DGKB: variants seen among roughly 807,000 people sequenced by gnomAD.
DGKB encodes 90 kDa diacylglycerol kinase.
Under a neutral mutation model 114.3 loss-of-function variants are expected in DGKB, and 67 were observed. The ratio of observed to expected loss-of-function variants is 0.59; its 90% CI spans 0.48 to 0.72. The LOEUF is 0.72. DGKB is among the 30% of genes least tolerant of loss of function. The pLI is 0.00. For synonymous variants in DGKB, 398 were observed against 323.1 expected, an observed-to-expected ratio of 1.23 and a Z score of -2.49; for missense variants, 907 against 975.2, an observed-to-expected ratio of 0.93 and a Z score of 0.93.
intron 1 of DGKB, among the ~76,000 whole-genome samples, chr7:14,869,750 A>G (rs1207098709): frequency 2.6e-5 from 4 of 152,112 alleles, no homozygotes; most frequent in African/African-American, 9.7e-5. Flanking sequence ...CAACAGTTAT[A>G]TACACAATAT....
chr7:14,862,962 C>T (rs1309554663), intron 1 of DGKB, among the ~76,000 whole-genome samples: 1 of 151,798 alleles, frequency 6.6e-6, no homozygotes, highest in African/African-American at 2.4e-5. Context: ...TTTTAAATGC[C>T]TTTCGACAGA....
chr7:14,645,428 A>T (rs1812754970), intron 13 of DGKB, among the ~76,000 whole-genome samples: 1 of 152,088 alleles, frequency 6.6e-6, no homozygotes, highest in African/African-American at 2.4e-5. Context: ...ACAACAGGAC[A>T]GAAAAACCCA....
At chr7:14,834,193 A>C (rs1237697341) in intron 2 of DGKB, among the ~76,000 whole-genome samples, 1 of 152,168 alleles carries the variant, frequency 6.6e-6, no homozygotes. Flanking sequence ...TTTTGTTATA[A>C]ATTGTTATAA....
chr7:14,176,531 A>G (rs71538866), intron 25 of DGKB: 43,055 of 1,046,654 alleles, frequency 0.041, 1,828 homozygotes, highest in East Asian at 0.31. Context: ...AGTTTCAGAT[A>G]AACTTTTATT....
chr7:14,148,747 C>G lies in DGKB; in HGVS notation c.*384G>C, dbSNP rs116627194. 1 of 277,840 alleles carries G rather than the reference C, an allele frequency of 3.6e-6. No homozygotes were observed. The highest frequency in any genetic ancestry group is 2.3e-5 in the African/African-American group (1 of 43,290). The allele number at this position is 277,840 out of a possible 1,614,324, so 17.2% of individuals were successfully genotyped here. ...ATTGTAGCGTTACTGATTAGTGCTT[C>G]GTAATAATTGGAATCACACTGAGAA... is the stretch of plus-strand genomic sequence containing the variant. On this transcript the variant is annotated 3_prime_UTR_variant, in exon 26 of 26. Transcript: ENST00000402815.
intron 20 of DGKB, among the ~76,000 whole-genome samples, chr7:14,533,479 ATTTAAAAGTTATTATT>A (rs1298301928): frequency 1.3e-5 from 2 of 151,986 alleles, no homozygotes; most frequent in South Asian, 2.1e-4. Flanking sequence ...AAGAAAACTT[ATTTAAAAGTTATTATT>A]TTTAAAAGTT....
At chr7:14,583,019 T>C (rs755763327) in intron 18 of DGKB, 33 bp downstream of exon 18, 1 of 1,374,994 alleles carries the variant, frequency 7.3e-7, no homozygotes, top group Non-Finnish European at 1.0e-6. Context: ...TATTGCTCTC[T>C]CCCCAGCCAT....
intron 23 of DGKB, among the ~76,000 whole-genome samples, chr7:14,296,457 A>G (rs1020585558): frequency 6.6e-6 from 1 of 152,212 alleles, no homozygotes; most frequent in Non-Finnish European, 1.5e-5. Flanking sequence ...TAGTGCTGCA[A>G]TAAACATATG....
chr7:14,215,844 T>C (rs933749167), intron 23 of DGKB, among the ~76,000 whole-genome samples: 5 of 152,222 alleles, frequency 3.3e-5, no homozygotes, highest in South Asian at 2.1e-4. Context: ...GTATGCATTT[T>C]ATTCACAAAA....
At chr7:14,891,496 T>C (rs28409482) in intron 1 of DGKB, among the ~76,000 whole-genome samples, 2,428 of 151,544 alleles carry the variant, frequency 0.016, 79 homozygotes, top group African/African-American at 0.055. Context: ...ATGAATACTT[T>C]AAGCAGCTTA....
intron 20 of DGKB, among the ~76,000 whole-genome samples, chr7:14,514,281 C>T (rs966492465): frequency 5.3e-5 from 8 of 151,990 alleles, no homozygotes; most frequent in Non-Finnish European, 1.0e-4. Context: ...GAATAGACTG[C>T]TGTCTTCAAA....
chr7:14,781,333 A>C (rs1302032969), intron 2 of DGKB, among the ~76,000 whole-genome samples: 1 of 152,172 alleles, frequency 6.6e-6, no homozygotes, highest in African/African-American at 2.4e-5. Flanking sequence ...CCATAAGTAC[A>C]CTTTGATTTT....
At position 14,505,633 on chromosome 7, in the gene DGKB, G is replaced by A. The variant is rs576289548; in HGVS notation, c.1771-27408C>T. The stretch of plus-strand genomic sequence containing the variant: ...ATGTAAAATTGCCTCCTGACTGTGT[G>A]TGTGTATAATTATCTGCCTTAGACT... On this transcript the variant is annotated intron_variant, in intron 20 of 25. Coordinates refer to ENST00000402815, the MANE Select transcript of DGKB (RefSeq NM_001350709.2). 3.3e-5 allele frequency among the ~76,000 whole-genome samples: 5 copies of A among 152,250 alleles called. No homozygotes were observed. The South Asian group carries it at 1.0e-3, about 32-fold the overall frequency.
intron 2 of DGKB, among the ~76,000 whole-genome samples, chr7:14,801,301 C>A (rs1486674543): frequency 6.6e-6 from 1 of 152,106 alleles, no homozygotes; most frequent in Non-Finnish European, 1.5e-5. Flanking sequence ...GATCTTGTTA[C>A]TGTCTTTGTT....
At chr7:14,838,158 G>T (rs1847409841) in intron 2 of DGKB, among the ~76,000 whole-genome samples, 1 of 151,912 alleles carries the variant, frequency 6.6e-6, no homozygotes, top group Non-Finnish European at 1.5e-5. Flanking sequence ...TTACTGATTT[G>T]TGTATTCTTA....
chr7:14,470,255 C>T (rs1781084342), intron 21 of DGKB, among the ~76,000 whole-genome samples: 1 of 151,818 alleles, frequency 6.6e-6, no homozygotes, highest in Non-Finnish European at 1.5e-5. Context: ...TTATTCAAAA[C>T]ACTAAAAATG....
At chr7:14,466,843 CGAT>C (rs2128879370) in intron 21 of DGKB, among the ~76,000 whole-genome samples, 1 of 152,064 alleles carries the variant, frequency 6.6e-6, no homozygotes, top group Non-Finnish European at 1.5e-5. Flanking sequence ...ACATTAATAA[CGAT>C]GGCGTTTATA....
chr7:14,596,951 A>T (rs1043132205), intron 17 of DGKB, among the ~76,000 whole-genome samples: 1 of 152,204 alleles, frequency 6.6e-6, no homozygotes, highest in South Asian at 2.1e-4. Context: ...CATTGCTAAG[A>T]TCCTTCCTAT....
chr7:14,184,961 G>C (rs1463635386), intron 23 of DGKB, among the ~76,000 whole-genome samples: 1 of 152,052 alleles, frequency 6.6e-6, no homozygotes, highest in African/African-American at 2.4e-5. Flanking sequence ...CTGAGAACTG[G>C]AACAAGACAA....
Sources: gnomAD v4.1 joint callset for allele counts (sites outside exome capture counted in the v4.1 genomes callset) on GRCh38, gnomAD v4.1.1 for gene constraint, MANE v1.5 for transcripts, NCBI Gene and HGNC (gene_info 2026-07-23, HGNC 2026-07-21) for gene names.